Variants in DYNC2I2 observed in about 807,000 individuals in gnomAD.
DYNC2I2 encodes the protein cytoplasmic dynein 2 intermediate chain 2.
Under a neutral mutation model 52.0 loss-of-function variants are expected in DYNC2I2, and 39 were observed. The ratio of observed to expected loss-of-function variants is 0.75; its 90% confidence interval spans 0.58 to 0.98. DYNC2I2 has a LOEUF of 0.98. Among genes scored for constraint, DYNC2I2 ranks in the 50% least tolerant of loss-of-function variants. The pLI is 0.00. For synonymous variants in DYNC2I2, 359 were observed against 321.1 expected, an observed-to-expected ratio of 1.12 and a Z score of -1.26; for missense variants, 743 against 728.4, an observed-to-expected ratio of 1.02 and a Z score of -0.23.
At chr9:128,683,763 G>A in the DYNC2I2 span, 1 of 704,874 alleles carries the variant, frequency 1.4e-6, no homozygotes, top group Non-Finnish European at 2.3e-6. Flanking sequence ...CCACTGTCAT[G>A]TAAATATCCC....
intron 5 of DYNC2I2, 70 bp from the exon 6 acceptor site, chr9:128,635,329 A>C: frequency 2.7e-6 from 4 of 1,506,726 alleles, no homozygotes; most frequent in Non-Finnish European, 3.6e-6. Context: ...CTCCACCCCT[A>C]CCCTCCCTCT....
chr9:128,636,352 G>A lies in DYNC2I2; in HGVS notation c.632C>T (p.Ser211Leu), dbSNP rs755169068. Residue 211 changes from serine (S) to leucine (L), a missense_variant, in exon 4 of 9, where the codon TCG (serine) becomes TTG (leucine). Transcript: ENST00000372715. The stretch of plus-strand genomic sequence containing the variant: ...AGCGCTGGGGACCTCCACCACGGCC[G>A]ACGGCTGCTGGGGACGCAGGTCTCG... ...DRRDLRPQQP[S>L]AVVEVPSAVL... 3.4e-5 allele frequency: 54 copies of A among 1,607,194 alleles called. No homozygotes were observed. Among genetic ancestry groups the A allele is most frequent in the Middle Eastern group, 3.3e-4 (2 of 6,066 alleles).
intron 2 of DYNC2I2, among the ~76,000 whole-genome samples, chr9:128,637,842 G>C (rs1418103804): frequency 6.6e-6 from 1 of 152,156 alleles, no homozygotes; most frequent in African/African-American, 2.4e-5. Context: ...CCAGGGGTAG[G>C]CACCAGCTGC....
In DYNC2I2 at chr9:128,634,208, C is replaced by G. The variant is rs1564337576; in HGVS notation, c.1372+18G>C. 1 of 1,613,040 alleles carries G rather than the reference C, an allele frequency of 6.2e-7. No individual in the cohort carries two copies. Among genetic ancestry groups the G allele is most frequent in the Non-Finnish European group, 8.5e-7 (1 of 1,179,872 alleles). On this transcript the variant is annotated intron_variant, in intron 8 of 8. Transcript: ENST00000372715. ...ACCCACCCCTTAAACAGATCCAGGC[C>G]TAGCGGCCCCTTCCTACCTTTCCCA...
intron 2 of DYNC2I2, among the ~76,000 whole-genome samples, chr9:128,639,397 CAAAAAAATAAA>C (rs1174473878): frequency 6.7e-6 from 1 of 150,304 alleles, no homozygotes; most frequent in Admixed American, 6.6e-5. Flanking sequence ...GACTCTGTCT[CAAAAAAATAAA>C]AAAAAAAGAA....
chr9:128,634,367 C>A lies in DYNC2I2; in HGVS notation c.1231G>T (p.Ala411Ser), dbSNP rs780425196. ...AGGTGGACATGCCCGTCAGTCCCAG[C>A]GCTCAGGAAGAGATTCCTAGACGGG... Reference protein sequence around the residue: ...SPFHRNLFLSAGTDGHVHLYS... With the variant: ...SPFHRNLFLSSGTDGHVHLYS... The change falls in exon 8 of 9, where the codon GCT becomes TCT. Residue 411 changes from alanine (A) to serine (S), a missense_variant. Ala to Ser is a moderately conservative substitution (Grantham distance 99, BLOSUM62 1). Coordinates refer to ENST00000372715, the MANE Select transcript of DYNC2I2 (RefSeq NM_052844.4). The A allele has an allele frequency of 2.5e-6, 4 of 1,597,488 alleles. No homozygotes were observed. The highest frequency in any genetic ancestry group is 2.7e-5 in the African/African-American group (2 of 74,376).
intron 1 of DYNC2I2, among the ~76,000 whole-genome samples, chr9:128,643,282 T>A (rs1238330107): frequency 1.3e-5 from 2 of 151,990 alleles, no homozygotes; most frequent in Admixed American, 6.6e-5. Flanking sequence ...ATCCCAGCAC[T>A]CTGGGAGGCT....
At chr9:128,658,183 T>A (rs1236289688), upstream of DYNC2I2, among the ~76,000 whole-genome samples, 5 of 150,950 alleles carry the variant, frequency 3.3e-5, no homozygotes, top group South Asian at 2.1e-4. Context: ...TTTTTTTTTT[T>A]AAGACAGAGT....
intron 1 of DYNC2I2, among the ~76,000 whole-genome samples, chr9:128,644,004 T>C (rs1172236299): frequency 1.3e-5 from 2 of 151,948 alleles, no homozygotes; most frequent in Non-Finnish European, 2.9e-5. Flanking sequence ...GGCCAGGGGA[T>C]CAGAAAGTGC....
rs73623574 is a variant in DYNC2I2, at chr9:128,640,549, G to A, written c.435+142C>T. On this transcript the variant is annotated intron_variant, in intron 2 of 8. Transcript: ENST00000372715. ...CTGACTTATTCTTAGGGAACCTAGC[G>A]CAGTACCAGGCAGGACATTAGAGCC... 3,721 of 1,311,592 alleles carry A rather than the reference G, an allele frequency of 2.8e-3. 75 individuals carry two copies. In the African/African-American group the frequency reaches 0.041, roughly 15 times the overall value. 81.2% of individuals were successfully genotyped at this position (1,311,592 alleles called of 1,614,324 possible).
intron 1 of DYNC2I2, among the ~76,000 whole-genome samples, chr9:128,652,709 C>T (rs565156656): frequency 4.0e-5 from 6 of 150,280 alleles, no homozygotes; most frequent in East Asian, 2.0e-4. Flanking sequence ...CACCTGAGGT[C>T]GGGAGTTCGA....
chr9:128,654,735 T>TTTTC (rs1452045393), intron 1 of DYNC2I2, among the ~76,000 whole-genome samples: 6 of 152,100 alleles, frequency 3.9e-5, no homozygotes, highest in African/African-American at 1.4e-4. Context: ...TGCACTTGAC[T>TTTTC]TTTCATCTCC....
At chr9:128,656,117 G>A (rs1224577557) in intron 1 of DYNC2I2, among the ~76,000 whole-genome samples, 2 of 150,072 alleles carry the variant, frequency 1.3e-5, no homozygotes, top group African/African-American at 4.9e-5. Context: ...ATGCGCAGGT[G>A]GGAGGATCGC....
At chr9:128,670,874 C>A in the DYNC2I2 span, among the ~76,000 whole-genome samples, 1 of 151,742 alleles carries the variant, frequency 6.6e-6, no homozygotes, top group East Asian at 1.9e-4. Flanking sequence ...GACCAGCCAG[C>A]CTGACCAACA....
At chr9:128,664,101 G>A in the DYNC2I2 span, among the ~76,000 whole-genome samples, 16 of 151,932 alleles carry the variant, frequency 1.1e-4, no homozygotes, top group East Asian at 3.1e-3. Flanking sequence ...GGGATTACAG[G>A]TGGCCGCCAC....
At position 128,640,723 on chromosome 9, in the gene DYNC2I2, A is replaced by G. The variant is rs146679558; in HGVS notation, c.403T>C (p.Phe135Leu). 2.2e-5 allele frequency: 35 copies of G among 1,614,050 alleles called. No homozygotes were observed. The highest frequency in any genetic ancestry group is 2.8e-5 in the Non-Finnish European group (33 of 1,180,034). Residue 135 changes from phenylalanine (F) to leucine (L), a missense_variant, in exon 2 of 9, where the codon TTC becomes CTC. Coordinates refer to ENST00000372715, the MANE Select transcript of DYNC2I2 (RefSeq NM_052844.4). ...TGCTGCTCGGTCCAGTTCACCTCGA[A>G]GCCATCAAACGCGTGGCTCTGCCAA... ...KNWQSHAFDG[F>L]EVNWTEQQQM...
intron 2 of DYNC2I2, among the ~76,000 whole-genome samples, chr9:128,639,072 C>T (rs781401608): frequency 9.9e-5 from 15 of 151,768 alleles, no homozygotes; most frequent in Non-Finnish European, 1.8e-4. Flanking sequence ...ATCTGAACTA[C>T]AGCCTGGGCA....
chr9:128,678,190 C>T, the DYNC2I2 span, among the ~76,000 whole-genome samples: 777 of 149,936 alleles, frequency 5.2e-3, 3 homozygotes, highest in Admixed American at 8.6e-3. Flanking sequence ...CTGCCTCAGC[C>T]TCCCGAGTAG....
At chr9:128,642,677 C>A (rs544339593) in intron 1 of DYNC2I2, among the ~76,000 whole-genome samples, 1 of 151,846 alleles carries the variant, frequency 6.6e-6, no homozygotes, top group Admixed American at 6.6e-5. Flanking sequence ...AAGGCGTGAA[C>A]CTGGGAGGCA....
Sources: gnomAD v4.1 joint callset for allele counts (sites outside exome capture counted in the v4.1 genomes callset) on GRCh38, gnomAD v4.1.1 for gene constraint, MANE v1.5 for transcripts, NCBI Gene and HGNC (gene_info 2026-07-23, HGNC 2026-07-21) for gene names.